MYO7A: variants seen among roughly 807,000 people sequenced by gnomAD.
The protein encoded by MYO7A is myosin VIIA.
A neutral mutation model predicts 263.8 loss-of-function variants in MYO7A; 210 were observed. That is an observed-to-expected ratio of 0.80 (90% CI 0.71 to 0.89). MYO7A has a LOEUF of 0.89. Among genes scored for constraint, MYO7A ranks in the 40% least tolerant of loss-of-function variants. The pLI is 0.00. For missense variants in MYO7A, 2,820 were observed against 2,968.3 expected, an observed-to-expected ratio of 0.95 and a Z score of 1.16; for synonymous variants, 1,239 against 1,197.3, an observed-to-expected ratio of 1.03 and a Z score of -0.72.
In MYO7A at chr11:77,179,902, C is replaced by T; in HGVS notation, c.2535C>T (p.Ala845=). Residue 845 remains alanine, a synonymous_variant, in exon 21 of 49, where the codon GCC becomes GCT. Transcript: ENST00000409709. ...HRLWAVLTVQ[A]YARGMIARRL... Reference sequence around the variant, plus strand: ...TCTGGGCTGTGCTCACCGTGCAGGCCTATGCCCGGGGCATGATCGCCCGCA... The same window carrying T: ...TCTGGGCTGTGCTCACCGTGCAGGCTTATGCCCGGGGCATGATCGCCCGCA... 6.5e-7 allele frequency: 1 copy of T among 1,538,662 alleles called. No homozygotes were observed.
intron 28 of MYO7A, 123 bp from the exon 29 acceptor site, chr11:77,189,897 G>A (rs1374017992): frequency 2.8e-6 from 4 of 1,406,694 alleles, no homozygotes; most frequent in Non-Finnish European, 1.9e-6. Flanking sequence ...AGAGGGTAGG[G>A]AAGCCACAGA....
At chr11:77,212,229 C>A (rs1157183218) in intron 46 of MYO7A, 1 of 545,662 alleles carries the variant, frequency 1.8e-6, no homozygotes, top group South Asian at 1.5e-5. Flanking sequence ...GCCCAGGTGG[C>A]AGAGCTCGGG....
chr11:77,211,068 G>A (rs370764754), intron 44 of MYO7A, 84 bp from the exon 45 acceptor site: 64 of 1,289,936 alleles, frequency 5.0e-5, no homozygotes, highest in South Asian at 8.8e-5. Context: ...GGTAGACCCC[G>A]GCGTTGGGGG....
At chr11:77,149,910 C>T (rs1270658782) in intron 4 of MYO7A, among the ~76,000 whole-genome samples, 3 of 152,132 alleles carry the variant, frequency 2.0e-5, no homozygotes, top group Non-Finnish European at 1.5e-5. Flanking sequence ...GGCACCCACC[C>T]GCCGTATCTC....
At chr11:77,131,541 G>T (rs879963647) in intron 2 of MYO7A, among the ~76,000 whole-genome samples, 1 of 152,208 alleles carries the variant, frequency 6.6e-6, no homozygotes, top group Non-Finnish European at 1.5e-5. Flanking sequence ...CTGTTCAAAC[G>T]CCCATTAGAG....
At chr11:77,209,048 A>C (rs1030632827) in intron 44 of MYO7A, 103 of 532,070 alleles carry the variant, frequency 1.9e-4, no homozygotes, top group Non-Finnish European at 2.4e-5. Context: ...CTACCTGTTC[A>C]GGCCCCTCCT....
At chr11:77,213,521 A>G (rs1442102458) in intron 47 of MYO7A, among the ~76,000 whole-genome samples, 1 of 151,986 alleles carries the variant, frequency 6.6e-6, no homozygotes, top group Non-Finnish European at 1.5e-5. Context: ...CTGCTCCTGT[A>G]CACCGTGTTT....
In MYO7A at chr11:77,215,088, A is replaced by G. The variant is rs144527614; in HGVS notation, c.*392A>G. 1,653 of 212,222 alleles carry G rather than the reference A, an allele frequency of 7.8e-3. 13 individuals carry two copies. The highest frequency in any genetic ancestry group is 0.012 in the Non-Finnish European group (1,226 of 105,920). 13.1% of individuals were successfully genotyped at this position (212,222 alleles called of 1,614,324 possible). ...TAGCTCTCCATACTTTGAACAACCA[A>G]ATGTGCATTGAATACTCTGAAACCG... On this transcript the variant is annotated 3_prime_UTR_variant, in exon 49 of 49. Coordinates refer to ENST00000409709, the MANE Select transcript of MYO7A (RefSeq NM_000260.4).
chr11:77,145,714 G>A (rs1951513650), intron 3 of MYO7A, among the ~76,000 whole-genome samples: 1 of 152,222 alleles, frequency 6.6e-6, no homozygotes, highest in African/African-American at 2.4e-5. Flanking sequence ...GCCCTGGGGA[G>A]GCTGCGTGAG....
intron 13 of MYO7A, 137 bp from the exon 14 acceptor site, chr11:77,162,716 A>G (rs1953114164): frequency 1.7e-6 from 2 of 1,163,826 alleles, no homozygotes; most frequent in African/African-American, 1.5e-5. Context: ...ATGGGGTTCC[A>G]GAGAGCGCCT....
intron 15 of MYO7A, among the ~76,000 whole-genome samples, chr11:77,167,413 T>G (rs1555073314): frequency 6.6e-6 from 1 of 152,160 alleles, no homozygotes; most frequent in Non-Finnish European, 1.5e-5. Flanking sequence ...AGGTAGCATT[T>G]TCTGCATTTT....
intron 15 of MYO7A, among the ~76,000 whole-genome samples, chr11:77,166,628 G>C (rs1953576364): frequency 6.6e-6 from 1 of 152,180 alleles, no homozygotes; most frequent in South Asian, 2.1e-4. Context: ...CCTAGGGTGA[G>C]GGTCTAGTGG....
rs142630805 is a variant in MYO7A, at chr11:77,181,030, G to A, written c.2695-350G>A. Among the ~76,000 whole-genome samples, 963 of 152,286 alleles carry A rather than the reference G, an allele frequency of 6.3e-3. 13 individuals carry two copies. The highest frequency in any genetic ancestry group is 0.022 in the African/African-American group (896 of 41,562). ...CCTATTCCTTTTTGCTTTTTAAAAC[G>A]TGGCTACTATATGGGTGGCTCACAT... On this transcript the variant is annotated intron_variant, in intron 22 of 48. Coordinates refer to ENST00000409709, the MANE Select transcript of MYO7A (RefSeq NM_000260.4).
In MYO7A at chr11:77,166,057, C is replaced by T. The variant is rs1555072305; in HGVS notation, c.1692C>T (p.Gly564=). ...FAGIVYYETQ[G]FLEKNRDTLH... ...GTGACTGCTGTTTGCTGCTTGCAGG[C>T]TTCCTGGAGAAGAACCGAGACACCC... Residue 564 remains glycine, a splice_region_variant and synonymous_variant, in exon 15 of 49, where the codon GGC becomes GGT. Transcript: ENST00000409709. 2 of 1,613,032 alleles carry T rather than the reference C, an allele frequency of 1.2e-6. No individual in the cohort carries two copies. Among genetic ancestry groups the T allele is most frequent in the East Asian group, 4.5e-5 (2 of 44,868 alleles).
chr11:77,146,465 A>G (rs1018338508), intron 3 of MYO7A, among the ~76,000 whole-genome samples: 2 of 152,170 alleles, frequency 1.3e-5, no homozygotes, highest in Non-Finnish European at 2.9e-5. Context: ...GGTGGTCTCA[A>G]TCAGGGTATG....
intron 22 of MYO7A, 55 bp from the exon 23 acceptor site, chr11:77,181,325 A>C: frequency 6.8e-7 from 1 of 1,473,314 alleles, no homozygotes; most frequent in Non-Finnish European, 9.1e-7. Flanking sequence ...TTGTTCCCTG[A>C]GGCTGTGGCA....
intron 4 of MYO7A, among the ~76,000 whole-genome samples, chr11:77,155,345 G>A (rs1413623356): frequency 6.6e-6 from 1 of 152,204 alleles, no homozygotes; most frequent in Non-Finnish European, 1.5e-5. Flanking sequence ...CTAGAGCACA[G>A]CATCTCCCTC....
intron 45 of MYO7A, 138 bp downstream of exon 45, chr11:77,211,475 C>A: frequency 1.0e-6 from 1 of 974,466 alleles, no homozygotes; most frequent in Non-Finnish European, 1.5e-6. Flanking sequence ...GGCCGCCCAC[C>A]CTTGTTCCTC....
chr11:77,162,219 C>T lies in MYO7A; in HGVS notation c.1443C>T (p.Ser481=), dbSNP rs782494913. The T allele has an allele frequency of 5.1e-6, 8 of 1,583,114 alleles. No homozygotes were observed. The East Asian group carries it at 1.4e-4, about 27-fold the overall frequency. Residue 481 remains serine, a synonymous_variant, in exon 13 of 49, where the codon AGC becomes AGT. Transcript: ENST00000409709. ...KLEQEEYDLE[S]IDWLHIEFTD... is the part of the protein sequence containing the mutation. ...AGCAGGAGGAATATGACCTGGAGAG[C>T]ATTGACTGGCTGCACATCGAGTTCA... is the stretch of plus-strand genomic sequence containing the variant.
Sources: gnomAD v4.1 joint callset for allele counts (sites outside exome capture counted in the v4.1 genomes callset) on GRCh38, gnomAD v4.1.1 for gene constraint, MANE v1.5 for transcripts, NCBI Gene and HGNC (gene_info 2026-07-23, HGNC 2026-07-21) for gene names.